Variants in PCDHA11 observed in about 807,000 individuals in gnomAD.
The protein encoded by PCDHA11 is protocadherin alpha-11.
In PCDHA11, 61 loss-of-function variants were observed where a neutral mutation model predicts 70.3. The ratio of observed to expected loss-of-function variants is 0.87; its 90% CI spans 0.71 to 1.07. The LOEUF is 1.07. Among genes scored for constraint, PCDHA11 ranks in the 50% least tolerant of loss-of-function variants. The probability of loss-of-function intolerance (pLI) is 0.00; values close to 1 mark genes in which losing one functional copy is unlikely to be tolerated. For missense variants in PCDHA11, 1,324 were observed against 1,237.5 expected (o/e 1.07, Z -1.05); for synonymous variants, 633 against 555.1 (o/e 1.14, Z -1.97).
chr5:140,920,180 T>C (rs1386784105), intron 1 of PCDHA11, among the ~76,000 whole-genome samples: 1 of 152,198 alleles, frequency 6.6e-6, no homozygotes, highest in Admixed American at 6.5e-5. Context: ...ACCCAGTGTG[T>C]AGTAATTTGT....
chr5:140,873,497 T>C (rs1236825837), intron 1 of PCDHA11, among the ~76,000 whole-genome samples: 1 of 152,230 alleles, frequency 6.6e-6, no homozygotes, highest in Non-Finnish European at 1.5e-5. Context: ...TGCAAAGTTG[T>C]GTCTTTTATA....
intron 3 of PCDHA11, among the ~76,000 whole-genome samples, chr5:140,991,587 C>T (rs1469333893): frequency 1.3e-5 from 2 of 152,208 alleles, no homozygotes; most frequent in African/African-American, 2.4e-5. Flanking sequence ...CTTATTTCTA[C>T]CTGAGCCCTC....
rs576672267 is a variant in PCDHA11 at position 140,878,151 on chromosome 5, T to G, written c.2391+6657T>G. 31 of 178,298 alleles carry G rather than the reference T, an allele frequency of 1.7e-4. No individual in the cohort carries two copies. The Middle Eastern group carries it at 7.4e-3, about 42-fold the overall frequency. The allele number at this position is 178,298 out of a possible 1,614,324, so 11.0% of individuals were successfully genotyped here. On this transcript the variant is annotated intron_variant, in intron 1 of 3. Coordinates refer to ENST00000398640, the MANE Select transcript of PCDHA11 (RefSeq NM_018902.5). Reference sequence around the variant, plus strand: ...AAAAGTGGCCAGATGTTTGATAACTTAAAAATTTAATTTGTTCATAATTTC... The same window carrying G: ...AAAAGTGGCCAGATGTTTGATAACTGAAAAATTTAATTTGTTCATAATTTC...
At chr5:140,899,175 C>G (rs1219166721) in intron 1 of PCDHA11, among the ~76,000 whole-genome samples, 2 of 152,034 alleles carry the variant, frequency 1.3e-5, no homozygotes, top group African/African-American at 4.8e-5. Flanking sequence ...AATTGAATAC[C>G]CTTTATTTCC....
Position 140,916,718 on chromosome 5 carries a change from G to C in PCDHA11, c.2391+45224G>C, listed in dbSNP as rs115136945. Among the ~76,000 whole-genome samples, 1,217 of 152,304 alleles carry C rather than the reference G, an allele frequency of 8.0e-3. 6 individuals are homozygous for C. Among genetic ancestry groups the C allele is most frequent in the African/African-American group, 0.019 (785 of 41,570 alleles). On this transcript the variant is annotated intron_variant, in intron 1 of 3. Coordinates refer to ENST00000398640, the MANE Select transcript of PCDHA11 (RefSeq NM_018902.5). ...CTCTCCTTAAGCAGAAGGAAGGAGTGACTTTTGTTGCTGCAAGCTTCACTG... is the reference window on the plus strand; with the variant it reads ...CTCTCCTTAAGCAGAAGGAAGGAGTCACTTTTGTTGCTGCAAGCTTCACTG...
At chr5:140,954,947 T>G (rs2153704420) in intron 1 of PCDHA11, among the ~76,000 whole-genome samples, 1 of 152,360 alleles carries the variant, frequency 6.6e-6, no homozygotes, top group South Asian at 2.1e-4. Flanking sequence ...AGTTAATTTT[T>G]GTATAAGATG....
chr5:140,955,452 G>C (rs921510611), intron 1 of PCDHA11, among the ~76,000 whole-genome samples: 3 of 152,024 alleles, frequency 2.0e-5, no homozygotes, highest in Non-Finnish European at 4.4e-5. Context: ...TTTTATAAGG[G>C]CTTTTTCCTT....
chr5:140,920,908 T>G (rs1333150217), intron 1 of PCDHA11, among the ~76,000 whole-genome samples: 1 of 151,136 alleles, frequency 6.6e-6, no homozygotes, highest in Non-Finnish European at 1.5e-5. Context: ...GGTTCTCAAA[T>G]CAGTTCCAAG....
Position 140,871,224 on chromosome 5 carries a change from C to G in PCDHA11, c.2121C>G (p.Ser707=), listed in dbSNP as rs1554165289. Residue 707 remains serine, a synonymous_variant, in exon 1 of 4, where the codon TCC becomes TCG. Transcript: ENST00000398640. ...VYLIIAICVV[S]SLLVLTLLLY... ...TGATCATCGCCATCTGCGTGGTGTC[C>G]AGCCTCCTGGTACTCACGCTGCTGC... 1.9e-6 allele frequency: 3 copies of G among 1,613,902 alleles called. No homozygotes were observed.
At chr5:140,911,168 T>C (rs1315264734) in intron 1 of PCDHA11, among the ~76,000 whole-genome samples, 1 of 152,190 alleles carries the variant, frequency 6.6e-6, no homozygotes, top group Non-Finnish European at 1.5e-5. Context: ...GTGGAAAGGC[T>C]GATGGCAGTG....
chr5:140,884,229 A>T (rs2060058344), intron 1 of PCDHA11: 2 of 1,613,258 alleles, frequency 1.2e-6, no homozygotes. Flanking sequence ...GTGAAGGACC[A>T]CGGTGAGCCC....
chr5:140,967,217 C>T, intron 1 of PCDHA11: 1 of 1,613,682 alleles, frequency 6.2e-7, no homozygotes, highest in Non-Finnish European at 8.5e-7. Flanking sequence ...TTTCCCGCGG[C>T]CCAACTACCA....
chr5:141,003,574 A>G (rs559561339), intron 3 of PCDHA11, among the ~76,000 whole-genome samples: 22 of 151,680 alleles, frequency 1.5e-4, no homozygotes, highest in Admixed American at 3.9e-4. Context: ...CAGACTCCCA[A>G]AGTGCTGGGA....
chr5:140,923,206 A>G (rs2081227659), intron 1 of PCDHA11, among the ~76,000 whole-genome samples: 1 of 152,172 alleles, frequency 6.6e-6, no homozygotes, highest in South Asian at 2.1e-4. Flanking sequence ...TTGGGAGGCT[A>G]AGGTGAAAGG....
intron 1 of PCDHA11, among the ~76,000 whole-genome samples, chr5:140,897,022 A>G (rs1009125089): frequency 2.6e-5 from 4 of 152,142 alleles, no homozygotes; most frequent in Non-Finnish European, 2.9e-5. Flanking sequence ...CAACTAAATT[A>G]TTTAGACCAT....
At chr5:140,926,472 T>G in intron 1 of PCDHA11, 1 of 163,134 alleles carries the variant, frequency 6.1e-6, no homozygotes, top group East Asian at 1.8e-4. Context: ...AAAACACCGT[T>G]TAAGGAGAGA....
intron 3 of PCDHA11, among the ~76,000 whole-genome samples, chr5:140,990,307 A>C (rs1409511282): frequency 2.6e-5 from 4 of 152,132 alleles, no homozygotes; most frequent in Non-Finnish European, 5.9e-5. Flanking sequence ...TGTCTGTAAA[A>C]AACCAACCAA....
intron 1 of PCDHA11, among the ~76,000 whole-genome samples, chr5:140,942,138 T>C (rs1269073266): frequency 1.3e-5 from 2 of 152,240 alleles, no homozygotes; most frequent in African/African-American, 4.8e-5. Flanking sequence ...TTTGTGGCTT[T>C]ACTTGACATA....
intron 1 of PCDHA11, among the ~76,000 whole-genome samples, chr5:140,905,415 C>A (rs2071821709): frequency 6.6e-6 from 1 of 152,128 alleles, no homozygotes; most frequent in Non-Finnish European, 1.5e-5. Context: ...ATACCAGTAC[C>A]ATGCTGGTTT....
Sources: gnomAD v4.1 joint callset for allele counts (sites outside exome capture counted in the v4.1 genomes callset) on GRCh38, gnomAD v4.1.1 for gene constraint, MANE v1.5 for transcripts, NCBI Gene and HGNC (gene_info 2026-07-23, HGNC 2026-07-21) for gene names.